The following MEGF11 variants were observed in gnomAD, a reference collection of about 807,000 sequenced individuals.
The protein encoded by MEGF11 is multiple epidermal growth factor-like domains protein 11.
MEGF11 carries 126 observed loss-of-function variants against 146.6 expected under a neutral mutation model. The observed-to-expected ratio is 0.86, with a 90% CI of 0.74 to 1.00. The LOEUF (loss-of-function observed/expected upper bound fraction) is 1.00, where lower values mean the gene tolerates loss of function less well. Ranked by LOEUF, MEGF11 falls within the 50% of genes least tolerant of loss-of-function variation. MEGF11 has a pLI of 0.00. For missense variants in MEGF11, 1,509 were observed against 1,521.2 expected (o/e 0.99, Z 0.13); for synonymous variants, 532 against 583.4 (o/e 0.91, Z 1.27).
chr15:66,204,898 T>C (rs372734672), intron 1 of MEGF11, among the ~76,000 whole-genome samples: 2 of 151,134 alleles, frequency 1.3e-5, no homozygotes, highest in South Asian at 2.1e-4. Flanking sequence ...AAGAAGACTG[T>C]GAAAGGTAGA....
chr15:66,067,903 A>G (rs1160466338), intron 5 of MEGF11, among the ~76,000 whole-genome samples: 2 of 152,166 alleles, frequency 1.3e-5, no homozygotes, highest in African/African-American at 4.8e-5. Flanking sequence ...GCTGGCAAGG[A>G]CTTAACGCCT....
chr15:66,165,707 G>A (rs1358739155), intron 1 of MEGF11, among the ~76,000 whole-genome samples: 2 of 152,046 alleles, frequency 1.3e-5, no homozygotes, highest in African/African-American at 4.8e-5. Context: ...GCAGGTGGGG[G>A]ACTTATAAGG....
At chr15:66,238,337 G>A (rs943528450) in intron 1 of MEGF11, among the ~76,000 whole-genome samples, 2 of 152,180 alleles carry the variant, frequency 1.3e-5, no homozygotes, top group African/African-American at 2.4e-5. Context: ...GCTTTTCTGC[G>A]ATTCCCTCAG....
chr15:66,166,076 T>A (rs562357035), intron 1 of MEGF11, among the ~76,000 whole-genome samples: 1 of 152,232 alleles, frequency 6.6e-6, no homozygotes, highest in Non-Finnish European at 1.5e-5. Context: ...CATAGTTACA[T>A]CAGCAGGGCC....
chr15:65,981,398 T>C (rs1188567184), intron 6 of MEGF11, among the ~76,000 whole-genome samples: 2 of 152,196 alleles, frequency 1.3e-5, no homozygotes, highest in Non-Finnish European at 2.9e-5. Flanking sequence ...CAGGCTCATT[T>C]GCAGGGACTG....
chr15:66,175,896 A>G (rs1272691686), intron 1 of MEGF11, among the ~76,000 whole-genome samples: 2 of 152,228 alleles, frequency 1.3e-5, no homozygotes, highest in Non-Finnish European at 2.9e-5. Context: ...AAAATTGAAG[A>G]AAACATTTGC....
chr15:66,058,445 G>T (rs936780212), intron 5 of MEGF11, among the ~76,000 whole-genome samples: 6 of 152,200 alleles, frequency 3.9e-5, no homozygotes, highest in African/African-American at 1.4e-4. Context: ...CAAGCCAGGA[G>T]CTGAGGAGGC....
chr15:66,035,503 C>T (rs759548318), intron 5 of MEGF11, among the ~76,000 whole-genome samples: 1 of 152,230 alleles, frequency 6.6e-6, no homozygotes, highest in African/African-American at 2.4e-5. Context: ...CTTCTTCCCC[C>T]TTTACCTAGC....
intron 5 of MEGF11, among the ~76,000 whole-genome samples, chr15:65,996,560 A>G (rs916270978): frequency 2.0e-5 from 3 of 150,528 alleles, no homozygotes; most frequent in African/African-American, 7.4e-5. Flanking sequence ...ATCTTGACTC[A>G]TTGCAACCTC....
chr15:66,238,507 G>A (rs1228276586), intron 1 of MEGF11, among the ~76,000 whole-genome samples: 1 of 152,176 alleles, frequency 6.6e-6, no homozygotes, highest in Non-Finnish European at 1.5e-5. Context: ...TAGAGCCCAG[G>A]AGCACCGCCT....
At chr15:65,941,790 T>C (rs2080001538) in intron 10 of MEGF11, among the ~76,000 whole-genome samples, 1 of 152,246 alleles carries the variant, frequency 6.6e-6, no homozygotes, top group Admixed American at 6.5e-5. Context: ...GCACAGTATA[T>C]GCATGATGGC....
rs1031315253 is a variant in MEGF11 at position 65,913,941 on chromosome 15, T to C, written c.2506A>G (p.Thr836Ala). 6 of 1,613,608 alleles carry C rather than the reference T, an allele frequency of 3.7e-6. No individual in the cohort carries two copies. The African/African-American group carries it at 5.3e-5, about 14-fold the overall frequency. ...ALMMEELNPY[T>A]KISPALGAER... is the part of the protein sequence containing the mutation. The stretch of plus-strand genomic sequence containing the variant: ...GCACCCAGTGCTGGGCTGATCTTGG[T>C]GTAGGGATTCAGCTCCTCCATCATG... Residue 836 changes from threonine (T) to alanine (A), a missense_variant, in exon 20 of 26, where the codon ACC (threonine) becomes GCC (alanine). Coordinates refer to ENST00000395614, the MANE Select transcript of MEGF11 (RefSeq NM_001385028.1).
intron 3 of MEGF11, among the ~76,000 whole-genome samples, chr15:66,119,566 G>A (rs565147350): frequency 6.6e-6 from 1 of 152,238 alleles, no homozygotes; most frequent in East Asian, 1.9e-4. Flanking sequence ...AGGCCCTGAG[G>A]GTTTCTGTGC....
intron 5 of MEGF11, among the ~76,000 whole-genome samples, chr15:66,033,488 G>A (rs192149353): frequency 6.6e-6 from 1 of 152,254 alleles, no homozygotes; most frequent in South Asian, 2.1e-4. Context: ...CACTCTGGAG[G>A]GAACAGGCAG....
chr15:66,045,093 C>A (rs1357674270), intron 5 of MEGF11, among the ~76,000 whole-genome samples: 3 of 152,134 alleles, frequency 2.0e-5, no homozygotes, highest in African/African-American at 7.2e-5. Flanking sequence ...AATCTAAAAG[C>A]CTTAAAATAA....
chr15:66,156,067 T>C (rs2089745554), intron 1 of MEGF11, among the ~76,000 whole-genome samples: 1 of 152,170 alleles, frequency 6.6e-6, no homozygotes, highest in South Asian at 2.1e-4. Flanking sequence ...AGGGTCTCGA[T>C]GGCCACACCT....
intron 15 of MEGF11, among the ~76,000 whole-genome samples, chr15:65,919,930 CAA>C (rs1209553617): frequency 6.6e-6 from 1 of 152,064 alleles, no homozygotes; most frequent in Non-Finnish European, 1.5e-5. Context: ...TTAAACAAAA[CAA>C]AACAAAAAAC....
chr15:66,173,144 T>C lies in MEGF11; in HGVS notation c.-8-44733A>G, dbSNP rs77017234. 6.7e-3 allele frequency among the ~76,000 whole-genome samples: 1,025 copies of C among 152,244 alleles called. 10 individuals are homozygous for C. The highest frequency in any genetic ancestry group is 0.021 in the African/African-American group (890 of 41,542). Reference sequence around the variant, plus strand: ...CTGTAGCCTGGAGCACCCTTTCTTATGGTCTTTGTATTTGTCCCCTCAGGC... The same window carrying C: ...CTGTAGCCTGGAGCACCCTTTCTTACGGTCTTTGTATTTGTCCCCTCAGGC... On this transcript the variant is annotated intron_variant, in intron 1 of 25. Transcript: ENST00000395614.
intron 4 of MEGF11, among the ~76,000 whole-genome samples, chr15:66,105,031 C>T (rs1164701809): frequency 6.6e-6 from 1 of 152,102 alleles, no homozygotes; most frequent in African/African-American, 2.4e-5. Context: ...GACTTTGGGG[C>T]TGAAGACCTC....
Sources: gnomAD v4.1 joint callset for allele counts (sites outside exome capture counted in the v4.1 genomes callset) on GRCh38, gnomAD v4.1.1 for gene constraint, MANE v1.5 for transcripts, NCBI Gene and HGNC (gene_info 2026-07-23, HGNC 2026-07-21) for gene names.